The following GABRA4 variants were observed in gnomAD, a reference collection of about 807,000 sequenced individuals.
The protein encoded by GABRA4 is gamma-aminobutyric acid type A receptor subunit alpha4.
Under a neutral mutation model 49.7 loss-of-function variants are expected in GABRA4, and 12 were observed. The observed-to-expected ratio is 0.24, with a 90% CI of 0.15 to 0.39. GABRA4 has a LOEUF of 0.39. Among genes scored for constraint, GABRA4 ranks in the 10% least tolerant of loss-of-function variants. The pLI is 1.00. For missense variants in GABRA4, 506 were observed against 686.0 expected (o/e 0.74, Z 2.93); for synonymous variants, 288 against 240.2 (o/e 1.20, Z -1.84).
At chr4:46,982,883 G>A (rs1281474635) in intron 2 of GABRA4, among the ~76,000 whole-genome samples, 1 of 152,048 alleles carries the variant, frequency 6.6e-6, no homozygotes, top group Non-Finnish European at 1.5e-5. Context: ...TGTGGCAGTG[G>A]GGATGAAGAC....
intron 7 of GABRA4, 50 bp from the exon 8 acceptor site, chr4:46,965,279 T>G: frequency 7.4e-7 from 1 of 1,352,938 alleles, no homozygotes; most frequent in Non-Finnish European, 9.6e-7. Flanking sequence ...TCATTTGTAT[T>G]AAAAAGCACC....
chr4:46,974,738 G>A (rs557427950), intron 5 of GABRA4, among the ~76,000 whole-genome samples: 6 of 152,024 alleles, frequency 3.9e-5, no homozygotes, highest in South Asian at 2.1e-4. Flanking sequence ...TCCCAAAGCC[G>A]TACTTCTAAC....
chr4:46,972,277 C>T (rs1310188080), intron 6 of GABRA4, among the ~76,000 whole-genome samples: 1 of 151,418 alleles, frequency 6.6e-6, no homozygotes, highest in Non-Finnish European at 1.5e-5. Flanking sequence ...AGGAGCAGTG[C>T]CATTGATTTT....
chr4:46,925,760 CAT>C lies in GABRA4; in HGVS notation c.*2463_*2464del, dbSNP rs1721205644. The C allele has an allele frequency of 3.8e-5, 2 of 53,158 alleles. No individual in the cohort carries two copies. The highest frequency in any genetic ancestry group is 8.8e-5 in the Non-Finnish European group (2 of 22,634). 3.3% of individuals were successfully genotyped at this position (53,158 alleles called of 1,614,324 possible). The stretch of plus-strand genomic sequence containing the variant: ...TTATTATTATTATTATTATTATTAT[CAT>C]CATTATTATCATTGTGTGCAAATGA... On this transcript the variant is annotated 3_prime_UTR_variant, in exon 9 of 9. Transcript: ENST00000264318.
Position 46,924,344 on chromosome 4 carries a change from A to G in GABRA4, c.*3881T>C, listed in dbSNP as rs1449278895. On this transcript the variant is annotated 3_prime_UTR_variant, in exon 9 of 9. Coordinates refer to ENST00000264318, the MANE Select transcript of GABRA4 (RefSeq NM_000809.4). ...TATTGAAGTTTTGATGTCCCCATAT[A>G]TATTTGTGCCTGAGATGAGTATCAC... 6.6e-6 allele frequency: 1 copy of G among 152,082 alleles called. No homozygotes were observed. Among genetic ancestry groups the G allele is most frequent in the Non-Finnish European group, 1.5e-5 (1 of 67,972 alleles). 9.4% of individuals were successfully genotyped at this position (152,082 alleles called of 1,614,324 possible).
In GABRA4 at chr4:46,928,235, C is replaced by T. The variant is rs377002311; in HGVS notation, c.1655G>A (p.Ser552Asn). The change falls in exon 9 of 9, where the codon AGT becomes AAT. Residue 552 changes from serine (S) to asparagine (N), a missense_variant. By Grantham distance (46) the Ser-to-Asn change is conservative. Transcript: ENST00000264318. The stretch of plus-strand genomic sequence containing the variant: ...ACTATAGCAACGAAATTACATTAGA[C>T]TTTCTGATTTCTCCATAGTGTCCTT... ...LSKDTMEKSE[S>N]LM The T allele has an allele frequency of 3.7e-6, 6 of 1,605,552 alleles. No individual in the cohort carries two copies. In the South Asian group the frequency reaches 5.5e-5, roughly 15 times the overall value.
chr4:46,991,166 AC>A (rs1396637500), intron 2 of GABRA4, among the ~76,000 whole-genome samples: 1 of 151,566 alleles, frequency 6.6e-6, no homozygotes, highest in Non-Finnish European at 1.5e-5. Flanking sequence ...AGCCTGAGTG[AC>A]AGAGCGAGAC....
Position 46,977,480 on chromosome 4 carries a change from A to C in GABRA4, c.424T>G (p.Ser142Ala). Residue 142 changes from serine to alanine, a missense_variant, in exon 4 of 9, where the codon TCA (serine) becomes GCA (alanine). By Grantham distance (99) the Ser-to-Ala change is moderately conservative. Around this residue, in one of 5 missense-constraint regions of GABRA4, gnomAD observed 195 missense variants for 326.0 expected, o/e 0.60. Coordinates refer to ENST00000264318, the MANE Select transcript of GABRA4 (RefSeq NM_000809.4). ...TFFRNGKKSVSHNMTAPNKLF... is the reference protein window; with the variant it reads ...TFFRNGKKSVAHNMTAPNKLF... ...TTATTTGGAGCTGTCATATTATGTG[A>C]GACAGATTTCTTTCCATTCCTGAAG... 1 of 1,611,586 alleles carries C rather than the reference A, an allele frequency of 6.2e-7. No homozygotes were observed.
intron 7 of GABRA4, among the ~76,000 whole-genome samples, chr4:46,968,481 C>T (rs905794380): frequency 6.6e-6 from 1 of 151,544 alleles, no homozygotes; most frequent in Admixed American, 6.6e-5. Context: ...CCTGTGAAGA[C>T]AGACTGACTG....
Sources: gnomAD v4.1 joint callset for allele counts (sites outside exome capture counted in the v4.1 genomes callset) on GRCh38, gnomAD v4.1.1 for gene constraint, gnomAD v4.1.1 regional missense constraint, MANE v1.5 for transcripts, NCBI Gene and HGNC (gene_info 2026-07-23, HGNC 2026-07-21) for gene names.